Variants in FAM50B observed in about 807,000 individuals in gnomAD.
The protein encoded by FAM50B is family with sequence similarity 50 member B.
In FAM50B, 9 loss-of-function variants were observed where a neutral mutation model predicts 25.4. That is an observed-to-expected ratio of 0.35 (90% CI 0.21 to 0.62). The LOEUF is 0.62. Among genes scored for constraint, FAM50B ranks in the 20% least tolerant of loss-of-function variants. The pLI is 0.73. For synonymous variants in FAM50B, 212 were observed against 204.3 expected (o/e 1.04, Z -0.32); for missense variants, 372 against 477.9 (o/e 0.78, Z 2.07).
At chr6:3,841,886 G>A in the FAM50B span, among the ~76,000 whole-genome samples, 14 of 152,148 alleles carry the variant, frequency 9.2e-5, no homozygotes, top group African/African-American at 2.7e-4. Flanking sequence ...CTGCAAACCC[G>A]GCTGTCCCTT....
the FAM50B span, among the ~76,000 whole-genome samples, chr6:3,840,631 C>T: frequency 6.6e-6 from 1 of 152,182 alleles, no homozygotes; most frequent in Non-Finnish European, 1.5e-5. Context: ...TGGACCTCAG[C>T]AGGCAGAATG....
Position 3,850,673 on chromosome 6 carries a change from C to T in FAM50B, c.862C>T (p.His288Tyr). The T allele has an allele frequency of 6.2e-7, 1 of 1,614,144 alleles. No homozygotes were observed. Among genetic ancestry groups the T allele is most frequent in the Non-Finnish European group, 8.5e-7 (1 of 1,180,042 alleles). Residue 288 changes from histidine (H) to tyrosine (Y), a missense_variant, in exon 2 of 2, where the codon CAC becomes TAC. By Grantham distance (83) the His-to-Tyr change is moderately conservative. Around this residue, in one of 4 missense-constraint regions of FAM50B, gnomAD observed 57 missense variants for 65.8 expected, o/e 0.87. Coordinates refer to ENST00000648326, the MANE Select transcript of FAM50B (RefSeq NM_012135.3). ...SDATMEKDES[H>Y]AGKVVLRSWY... ...CGCCACCATGGAGAAGGACGAGTCGCACGCGGGCAAGGTGGTGCTGCGCAG... is the reference window on the plus strand; with the variant it reads ...CGCCACCATGGAGAAGGACGAGTCGTACGCGGGCAAGGTGGTGCTGCGCAG...
chr6:3,839,618 T>C, the FAM50B span, among the ~76,000 whole-genome samples: 1 of 152,224 alleles, frequency 6.6e-6, no homozygotes, highest in Non-Finnish European at 1.5e-5. Flanking sequence ...ACCAAAAACA[T>C]TGCTATTTTT....
Position 3,850,434 on chromosome 6 carries a change from C to T in FAM50B, c.623C>T (p.Thr208Met), listed in dbSNP as rs1762199563. 1 of 1,613,300 alleles carries T rather than the reference C, an allele frequency of 6.2e-7. No homozygotes were observed. Among genetic ancestry groups the T allele is most frequent in the Admixed American group, 1.7e-5 (1 of 60,002 alleles). Residue 208 changes from threonine (T) to methionine (M), a missense_variant, in exon 2 of 2, where the codon ACG becomes ATG. Thr to Met is a moderately conservative substitution (Grantham distance 81, BLOSUM62 -1). Transcript: ENST00000648326. ...RRTVRVRKGNTVQQFLKKALQ... is the reference protein window; with the variant it reads ...RRTVRVRKGNMVQQFLKKALQ... ...ACGGTGCGGGTGCGCAAGGGCAACA[C>T]GGTGCAGCAGTTCCTGAAGAAGGCG...
In FAM50B at chr6:3,849,955, G is replaced by A; in HGVS notation, c.144G>A (p.Arg48=). 6.2e-7 allele frequency: 1 copy of A among 1,613,948 alleles called. No individual in the cohort carries two copies. The highest frequency in any genetic ancestry group is 1.1e-5 in the South Asian group (1 of 91,084). Residue 48 remains arginine (R), a synonymous_variant, in exon 2 of 2, where the codon AGG becomes AGA. Transcript: ENST00000648326. ...ETILKSQVDK[R]FSAHYDAVEA... Reference sequence around the variant, plus strand: ...TCCTCAAGTCGCAGGTGGACAAGAGGTTCTCGGCGCATTACGACGCCGTGG... The same window carrying A: ...TCCTCAAGTCGCAGGTGGACAAGAGATTCTCGGCGCATTACGACGCCGTGG...
the FAM50B span, among the ~76,000 whole-genome samples, chr6:3,832,856 T>A: frequency 2.0e-5 from 3 of 152,044 alleles, no homozygotes; most frequent in African/African-American, 4.8e-5. Context: ...TTGACCTTTT[T>A]AATTTTTTTT....
Position 3,850,653 on chromosome 6 carries a change from C to T in FAM50B, c.842C>T (p.Thr281Ile). 4 of 1,614,126 alleles carry T rather than the reference C, an allele frequency of 2.5e-6. No homozygotes were observed. The highest frequency in any genetic ancestry group is 3.4e-6 in the Non-Finnish European group (4 of 1,180,048). Reference protein sequence around the residue: ...HDDVRLLSDATMEKDESHAGK... With the variant: ...HDDVRLLSDAIMEKDESHAGK... ...GACGTGCGCCTGCTCAGCGACGCCA[C>T]CATGGAGAAGGACGAGTCGCACGCG... The change falls in exon 2 of 2, where the codon ACC (threonine) becomes ATC (isoleucine). Residue 281 changes from threonine to isoleucine, a missense_variant. Coordinates refer to ENST00000648326, the MANE Select transcript of FAM50B (RefSeq NM_012135.3).
the FAM50B span, among the ~76,000 whole-genome samples, chr6:3,843,411 C>T: frequency 6.6e-6 from 1 of 152,144 alleles, no homozygotes; most frequent in African/African-American, 2.4e-5. Flanking sequence ...AACCATGTTC[C>T]ATTCTTTTAA....
the FAM50B span, among the ~76,000 whole-genome samples, chr6:3,834,489 G>C: frequency 6.6e-6 from 1 of 151,474 alleles, no homozygotes; most frequent in Non-Finnish European, 1.5e-5. Flanking sequence ...TATACAAAGA[G>C]TTCTTATAAA....
chr6:3,845,010 T>C (rs1762105384), upstream of FAM50B, among the ~76,000 whole-genome samples: 1 of 152,186 alleles, frequency 6.6e-6, no homozygotes, highest in African/African-American at 2.4e-5. Context: ...CAATCATTCT[T>C]TTTTGTTCTA....
the FAM50B span, among the ~76,000 whole-genome samples, chr6:3,841,028 T>G: frequency 6.6e-6 from 1 of 152,246 alleles, no homozygotes; most frequent in Non-Finnish European, 1.5e-5. Flanking sequence ...AAGTTGTTTC[T>G]TCTTTTGTGG....
chr6:3,836,428 T>A, the FAM50B span, among the ~76,000 whole-genome samples: 1 of 152,348 alleles, frequency 6.6e-6, no homozygotes, highest in African/African-American at 2.4e-5. Flanking sequence ...TTTCACCTTT[T>A]ACATTTCATC....
At chr6:3,838,736 G>T in the FAM50B span, among the ~76,000 whole-genome samples, 3 of 151,446 alleles carry the variant, frequency 2.0e-5, no homozygotes, top group Non-Finnish European at 4.4e-5. Context: ...AGCTACTTGG[G>T]AGGTTGAGGC....
chr6:3,841,328 G>C, the FAM50B span, among the ~76,000 whole-genome samples: 1 of 152,152 alleles, frequency 6.6e-6, no homozygotes, highest in Non-Finnish European at 1.5e-5. Flanking sequence ...CGATAGCTCT[G>C]GGAAAATTAT....
the FAM50B span, among the ~76,000 whole-genome samples, chr6:3,832,467 G>A: frequency 1.1e-3 from 172 of 152,282 alleles, no homozygotes; most frequent in Admixed American, 3.7e-3. Flanking sequence ...CCAGCTTCAC[G>A]CAGCAGCACG....
At chr6:3,843,896 G>C in the FAM50B span, among the ~76,000 whole-genome samples, 1 of 152,214 alleles carries the variant, frequency 6.6e-6, no homozygotes, top group East Asian at 1.9e-4. Flanking sequence ...TCAGGATACT[G>C]TGGTGGTGTT....
In FAM50B at chr6:3,850,865, T is replaced by C; in HGVS notation, c.*76T>C. ...AGGCCCCATCACCAGTCACTTGATT[T>C]CGTGACCTTGATTTCTTCCCCCAAA... On this transcript the variant is annotated 3_prime_UTR_variant, in exon 2 of 2. Transcript: ENST00000648326. 6.5e-7 allele frequency: 1 copy of C among 1,544,484 alleles called. No individual in the cohort carries two copies.
rs1762212361 is a variant in FAM50B, at chr6:3,850,887, C to G, written c.*98C>G. On this transcript the variant is annotated 3_prime_UTR_variant, in exon 2 of 2. Transcript: ENST00000648326. Reference sequence around the variant, plus strand: ...ATTTCGTGACCTTGATTTCTTCCCCCAAATTTAATAAAGACAGAGGGTTCT... The same window carrying G: ...ATTTCGTGACCTTGATTTCTTCCCCGAAATTTAATAAAGACAGAGGGTTCT... 1.3e-6 allele frequency: 2 copies of G among 1,506,996 alleles called. No individual in the cohort carries two copies. Among genetic ancestry groups the G allele is most frequent in the Non-Finnish European group, 1.8e-6 (2 of 1,122,648 alleles). The allele number at this position is 1,506,996 out of a possible 1,614,324, so 93.4% of individuals were successfully genotyped here.
chr6:3,834,506 A>G, the FAM50B span, among the ~76,000 whole-genome samples: 2 of 151,992 alleles, frequency 1.3e-5, no homozygotes, highest in Non-Finnish European at 2.9e-5. Context: ...TAAATCAATA[A>G]GAAAACAATT....
Sources: gnomAD v4.1 joint callset for allele counts (sites outside exome capture counted in the v4.1 genomes callset) on GRCh38, gnomAD v4.1.1 for gene constraint, gnomAD v4.1.1 regional missense constraint, MANE v1.5 for transcripts, NCBI Gene and HGNC (gene_info 2026-07-23, HGNC 2026-07-21) for gene names.